The following SYNE1 variants were observed in gnomAD, a reference collection of about 807,000 sequenced individuals.
SYNE1 encodes nesprin-1.
SYNE1 carries 616 observed loss-of-function variants against 1,111.0 expected under a neutral mutation model. The ratio of observed to expected loss-of-function variants is 0.55; its 90% CI spans 0.52 to 0.59. SYNE1 has a LOEUF of 0.59. Among genes scored for constraint, SYNE1 ranks in the 20% least tolerant of loss-of-function variants. The pLI, the probability that SYNE1 is intolerant of heterozygous loss-of-function variation, is 0.00. For synonymous variants in SYNE1, 3,855 were observed against 3,825.8 expected, an observed-to-expected ratio of 1.01 and a Z score of -0.28; for missense variants, 10,006 against 10,417.0, an observed-to-expected ratio of 0.96 and a Z score of 1.72.
At chr6:152,498,653 A>C (rs1257415280) in intron 11 of SYNE1, 89 bp downstream of exon 11, 1 of 884,022 alleles carries the variant, frequency 1.1e-6, no homozygotes, top group Admixed American at 2.5e-5. Flanking sequence ...GTATACATAA[A>C]GACAAAAACA....
At chr6:152,355,239 A>G (rs1271876675) in intron 66 of SYNE1, among the ~76,000 whole-genome samples, 1 of 152,160 alleles carries the variant, frequency 6.6e-6, no homozygotes, top group African/African-American at 2.4e-5. Flanking sequence ...CCCAAATTTG[A>G]CTTTTTAGCT....
chr6:152,299,492 CAG>C (rs1429434956), intron 93 of SYNE1, among the ~76,000 whole-genome samples: 1 of 152,182 alleles, frequency 6.6e-6, no homozygotes, highest in East Asian at 1.9e-4. Context: ...TCTAGACTGT[CAG>C]GGCCTTGCAG....
At chr6:152,413,557 A>G (rs2098104435) in intron 41 of SYNE1, 26 bp from the exon 42 acceptor site, 1 of 1,608,452 alleles carries the variant, frequency 6.2e-7, no homozygotes, top group African/African-American at 1.3e-5. Context: ...TTATTTTCCT[A>G]TTAATTTACT....
chr6:152,549,798 T>TA (rs1399223885), intron 3 of SYNE1, among the ~76,000 whole-genome samples: 1 of 152,192 alleles, frequency 6.6e-6, no homozygotes, highest in African/African-American at 2.4e-5. Context: ...AGTAAAGACT[T>TA]ACATTGCTCT....
At chr6:152,359,122 T>C (rs2096888737) in intron 65 of SYNE1, among the ~76,000 whole-genome samples, 193 bp downstream of exon 65, 1 of 152,262 alleles carries the variant, frequency 6.6e-6, no homozygotes, top group South Asian at 2.1e-4. Context: ...CTTACTTTCA[T>C]AGCTTTCATA....
At chr6:152,610,330 T>A (rs1184643697) in intron 3 of SYNE1, among the ~76,000 whole-genome samples, 1 of 152,184 alleles carries the variant, frequency 6.6e-6, no homozygotes, top group South Asian at 2.1e-4. Flanking sequence ...AACCATGGCA[T>A]GAGAACTTCG....
Position 152,628,451 on chromosome 6 carries a change from C to T in SYNE1, c.-120G>A. 9.8e-7 allele frequency: 1 copy of T among 1,020,700 alleles called. No homozygotes were observed. Among genetic ancestry groups the T allele is most frequent in the Non-Finnish European group, 1.5e-6 (1 of 651,766 alleles). The allele number at this position is 1,020,700 out of a possible 1,614,324, so 63.2% of individuals were successfully genotyped here. On this transcript the variant is annotated 5_prime_UTR_variant, in exon 3 of 146. Transcript: ENST00000367255. ...AGATCTATTCTGTCATAAATGAATT[C>T]CAGGCCTTTGCAGCACTCAACAAGG...
intron 106 of SYNE1, among the ~76,000 whole-genome samples, chr6:152,242,678 G>A (rs1041184659): frequency 4.6e-5 from 7 of 151,948 alleles, no homozygotes; most frequent in African/African-American, 1.5e-4. Flanking sequence ...TATGATATTC[G>A]TTGTGACTTT....
intron 14 of SYNE1, chr6:152,481,243 C>T (rs2098894634): frequency 4.5e-6 from 1 of 221,884 alleles, no homozygotes; most frequent in African/African-American, 2.3e-5. Flanking sequence ...CTTCTCAGAC[C>T]TCTAGATTGG....
rs1409707023 is a variant in SYNE1, at chr6:152,483,198, T to A, written c.1237A>T (p.Thr413Ser). 1 of 1,614,104 alleles carries A rather than the reference T, an allele frequency of 6.2e-7. No homozygotes were observed. Among genetic ancestry groups the A allele is most frequent in the Admixed American group, 1.7e-5 (1 of 60,028 alleles). The change falls in exon 14 of 146, where the codon ACC (threonine) becomes TCC (serine). Residue 413 changes from threonine (T) to serine (S), a missense_variant. Physicochemically the swap from Thr to Ser is moderately conservative, Grantham distance 58 (BLOSUM62 1). Coordinates refer to ENST00000367255, the MANE Select transcript of SYNE1 (RefSeq NM_182961.4). ...LDKSLPAPLG[T>S]IGAWLYRAEV... ...GCTCTGTACAGCCAGGCACCTATGG[T>A]GCCCAGAGGTGCAGGAAGAGATTTA...
intron 106 of SYNE1, among the ~76,000 whole-genome samples, chr6:152,243,905 C>T (rs2086414698): frequency 6.6e-6 from 1 of 152,112 alleles, no homozygotes; most frequent in Non-Finnish European, 1.5e-5. Flanking sequence ...TCTTCCTACC[C>T]CAATATCAGA....
chr6:152,478,828 G>A (rs2098853701), intron 14 of SYNE1, among the ~76,000 whole-genome samples: 1 of 152,096 alleles, frequency 6.6e-6, no homozygotes, highest in African/African-American at 2.4e-5. Context: ...TTTTTTTCCA[G>A]CCACAGTCAG....
Position 152,537,782 on chromosome 6 carries a change from C to T in SYNE1, c.129+2178G>A, listed in dbSNP as rs140366876. ...TTTATTTCTTTCTCCTGCCTGATTG[C>T]CTAAGCATCTTCTGAACAGCTCCCA... On this transcript the variant is annotated intron_variant, in intron 4 of 145. Transcript: ENST00000367255. Among the ~76,000 whole-genome samples the T allele has an allele frequency of 2.0e-4, 30 of 152,224 alleles. No individual in the cohort carries two copies. In the East Asian group the frequency reaches 4.6e-3, roughly 24 times the overall value.
intron 3 of SYNE1, among the ~76,000 whole-genome samples, chr6:152,589,870 A>G (rs529308916): frequency 1.3e-5 from 2 of 151,840 alleles, no homozygotes; most frequent in African/African-American, 2.4e-5. Context: ...TACTGTCTCA[A>G]TATATAAAAG....
intron 74 of SYNE1, among the ~76,000 whole-genome samples, chr6:152,341,665 T>C (rs1055317942): frequency 2.6e-5 from 4 of 152,292 alleles, no homozygotes; most frequent in Admixed American, 2.6e-4. Flanking sequence ...AAGCGGATTC[T>C]CCAGTCACAT....
chr6:152,142,934 C>T (rs538753525), intron 138 of SYNE1, among the ~76,000 whole-genome samples: 1 of 152,224 alleles, frequency 6.6e-6, no homozygotes, highest in Non-Finnish European at 1.5e-5. Context: ...TGAAAGAAGA[C>T]GTGAGGCAGA....
chr6:152,546,230 GT>G (rs2099312256), intron 3 of SYNE1, among the ~76,000 whole-genome samples: 1 of 152,112 alleles, frequency 6.6e-6, no homozygotes, highest in African/African-American at 2.4e-5. Flanking sequence ...CAATTTACAG[GT>G]GCTTATAACT....
intron 101 of SYNE1, among the ~76,000 whole-genome samples, chr6:152,261,617 C>T (rs1358276089): frequency 6.6e-6 from 1 of 152,196 alleles, no homozygotes; most frequent in African/African-American, 2.4e-5. Flanking sequence ...TTATTAAATA[C>T]TGGAAGTGGC....
intron 63 of SYNE1, among the ~76,000 whole-genome samples, chr6:152,364,094 A>T (rs1364115853): frequency 3.9e-5 from 6 of 152,130 alleles, no homozygotes; most frequent in Non-Finnish European, 5.9e-5. Flanking sequence ...CGTGATAGTC[A>T]GTGAGTGTTC....
Sources: allele counts gnomAD v4.1 joint callset (sites outside exome capture counted in the v4.1 genomes callset), GRCh38; gene constraint gnomAD v4.1.1; transcripts MANE v1.5; gene names NCBI Gene and HGNC (gene_info 2026-07-23, HGNC 2026-07-21).